CEP290: variants seen among roughly 807,000 people sequenced by gnomAD.
CEP290 encodes the protein centrosomal protein 290.
Under a neutral mutation model 344.9 loss-of-function variants are expected in CEP290, and 317 were observed. The observed-to-expected ratio is 0.92, with a 90% CI of 0.84 to 1.01. The LOEUF (loss-of-function observed/expected upper bound fraction) is 1.01. CEP290 is among the 50% of genes least tolerant of loss of function. The probability of loss-of-function intolerance (pLI) is 0.00; values close to 1 mark genes in which losing one functional copy is unlikely to be tolerated. For missense variants in CEP290, 2,754 were observed against 2,761.4 expected (o/e 1.00, Z 0.06); for synonymous variants, 932 against 895.8 (o/e 1.04, Z -0.72).
chr12:88,120,000 G>A (rs2039303984), intron 15 of CEP290, 114 bp downstream of exon 15: 1 of 543,398 alleles, frequency 1.8e-6, no homozygotes, highest in Non-Finnish European at 2.9e-6. Flanking sequence ...TTTTATAAAA[G>A]CATTTGAAAA....
chr12:88,050,278 TAGTTAAAGATGGTA>T, intron 53 of CEP290, 62 bp downstream of exon 53: 1 of 703,804 alleles, frequency 1.4e-6, no homozygotes, highest in Non-Finnish European at 2.4e-6. Context: ...TTAGGATACG[TAGTTAAAGATGGTA>T]ATGAAAATAG....
At position 88,115,528 on chromosome 12, in the gene CEP290, A is replaced by T. The variant is rs202125730; in HGVS notation, c.1825-346T>A. ...TCAAGCTCTATATCTGCATTTCTAC[A>T]CTCTGCTTCTTTGATCAAGAATTCC... On this transcript the variant is annotated intron_variant, in intron 18 of 53. Transcript: ENST00000552810. 1.1e-4 allele frequency: 139 copies of T among 1,293,726 alleles called. No individual in the cohort carries two copies. The highest frequency in any genetic ancestry group is 4.6e-5 in the Admixed American group (2 of 43,668). 80.1% of individuals were successfully genotyped at this position (1,293,726 alleles called of 1,614,324 possible).
chr12:88,075,082 A>G (rs557783046), intron 41 of CEP290, among the ~76,000 whole-genome samples: 14 of 152,240 alleles, frequency 9.2e-5, no homozygotes, highest in African/African-American at 2.9e-4. Context: ...TCGAAGTAAG[A>G]TATCTGTGGG....
intron 27 of CEP290, among the ~76,000 whole-genome samples, chr12:88,095,069 T>G (rs914035250): frequency 1.3e-5 from 2 of 152,126 alleles, no homozygotes; most frequent in East Asian, 3.8e-4. Context: ...CTAAAAGCAT[T>G]AGTAAATCAG....
At position 88,053,693 on chromosome 12, in the gene CEP290, T is replaced by G; in HGVS notation, c.7088A>C (p.Glu2363Ala). The change falls in exon 52 of 54, where the codon GAA (glutamate) becomes GCA (alanine). Residue 2363 changes from glutamate (E) to alanine (A), a missense_variant. Coordinates refer to ENST00000552810, the MANE Select transcript of CEP290 (RefSeq NM_025114.4). ...KEKAELIHQI[E>A]ANKDQSGAES... ...AGCTCCACTTTGGTCCTTGTTAGCT[T>G]CTATCTGATGGATTAATTCTGCTTT... The G allele has an allele frequency of 6.4e-7, 1 of 1,555,670 alleles. No homozygotes were observed. The highest frequency in any genetic ancestry group is 1.9e-5 in the Admixed American group (1 of 52,792).
chr12:88,054,213 A>C, intron 51 of CEP290, 127 bp downstream of exon 51: 1 of 632,304 alleles, frequency 1.6e-6, no homozygotes, highest in Non-Finnish European at 2.7e-6. Context: ...ATAAGGACCT[A>C]ATAAGCCTGT....
At chr12:88,124,833 G>C (rs1013323451) in intron 13 of CEP290, among the ~76,000 whole-genome samples, 1 of 152,030 alleles carries the variant, frequency 6.6e-6, no homozygotes, top group Non-Finnish European at 1.5e-5. Context: ...CTCAGGGTAA[G>C]GAGAATATGA....
intron 17 of CEP290, among the ~76,000 whole-genome samples, chr12:88,118,183 C>T (rs1452111143): frequency 6.6e-6 from 1 of 151,950 alleles, no homozygotes; most frequent in Non-Finnish European, 1.5e-5. Flanking sequence ...CATATTGGTG[C>T]TGTCTAGAAA....
intron 44 of CEP290, among the ~76,000 whole-genome samples, chr12:88,065,746 AT>A (rs1429523934): frequency 6.6e-6 from 1 of 152,162 alleles, no homozygotes; most frequent in African/African-American, 2.4e-5. Context: ...ACATGAGGAT[AT>A]TTTTAACACA....
chr12:88,084,855 G>A lies in CEP290; in HGVS notation c.4438-3C>T. The stretch of plus-strand genomic sequence containing the variant: ...GCAGATTCTTTCTCTTTTAGTTTCT[G>A]CAATGATTAAATTATAATAAATCAT... On this transcript the variant is annotated splice_polypyrimidine_tract_variant and splice_region_variant and intron_variant, in intron 34 of 53. Transcript: ENST00000552810. The A allele has an allele frequency of 6.6e-7, 1 of 1,513,312 alleles. No individual in the cohort carries two copies. The allele number at this position is 1,513,312 out of a possible 1,614,324, so 93.7% of individuals were successfully genotyped here.
At chr12:88,108,711 C>T (rs2038464000) in intron 23 of CEP290, among the ~76,000 whole-genome samples, 1 of 152,130 alleles carries the variant, frequency 6.6e-6, no homozygotes, top group African/African-American at 2.4e-5. Flanking sequence ...CGAGCATTTT[C>T]ATCTAATAAT....
intron 18 of CEP290, chr12:88,115,400 G>T: frequency 1.1e-6 from 1 of 938,170 alleles, no homozygotes; most frequent in African/African-American, 1.7e-5. Flanking sequence ...CAACATCCAT[G>T]GTAAGAGGCA....
At chr12:88,115,578 A>C in intron 18 of CEP290, 1 of 1,278,272 alleles carries the variant, frequency 7.8e-7, no homozygotes, top group South Asian at 1.2e-5. Context: ...ATTCTAAAGA[A>C]AAATTTAATA....
chr12:88,130,656 A>T (rs1325861721), intron 7 of CEP290, 91 bp from the exon 8 acceptor site: 57 of 1,257,958 alleles, frequency 4.5e-5, no homozygotes, highest in Non-Finnish European at 6.0e-5. Context: ...AAACAAAAAA[A>T]TTTTGGGAAA....
rs750553809 is a variant in CEP290 at position 88,086,459 on chromosome 12, C to T, written c.4234G>A (p.Val1412Ile). 1.2e-6 allele frequency: 2 copies of T among 1,600,280 alleles called. No individual in the cohort carries two copies. Among genetic ancestry groups the T allele is most frequent in the East Asian group, 4.5e-5 (2 of 44,618 alleles). The change falls in exon 33 of 54, where the codon GTT becomes ATT. Residue 1412 changes from valine (V) to isoleucine (I), a missense_variant. Physicochemically the swap from Val to Ile is conservative, Grantham distance 29 (BLOSUM62 3). Coordinates refer to ENST00000552810, the MANE Select transcript of CEP290 (RefSeq NM_025114.4). ...ERQMAWDQRE[V>I]DLERQLDIFD... ...ATGTCTAGTTGGCGTTCCAGGTCAA[C>T]TTCTCTTTGATCCCAGGCCATTTGT...
intron 20 of CEP290, among the ~76,000 whole-genome samples, chr12:88,113,408 T>C (rs910580466): frequency 6.6e-6 from 1 of 152,066 alleles, no homozygotes; most frequent in African/African-American, 2.4e-5. Flanking sequence ...GAGAAAGATA[T>C]AATGGGAATC....
At chr12:88,068,719 G>C in intron 43 of CEP290, 74 bp from the exon 44 acceptor site, 3 of 1,449,574 alleles carry the variant, frequency 2.1e-6, no homozygotes, top group Non-Finnish European at 2.8e-6. Flanking sequence ...AAAAATACAA[G>C]ATAAAAAAAG....
chr12:88,074,837 T>A (rs2035640110), intron 41 of CEP290, among the ~76,000 whole-genome samples: 1 of 152,206 alleles, frequency 6.6e-6, no homozygotes, highest in Non-Finnish European at 1.5e-5. Flanking sequence ...TGGAGGTTTC[T>A]AGAGGAAGGT....
In CEP290 at chr12:88,106,740, T is replaced by G. The variant is rs2038307941; in HGVS notation, c.2752A>C (p.Lys918Gln). The G allele has an allele frequency of 3.1e-6, 5 of 1,611,874 alleles. No homozygotes were observed. Among genetic ancestry groups the G allele is most frequent in the Non-Finnish European group, 4.2e-6 (5 of 1,178,942 alleles). The change falls in exon 25 of 54, where the codon AAG becomes CAG. Residue 918 changes from lysine (K) to glutamine (Q), a missense_variant. By Grantham distance (53) the Lys-to-Gln change is moderately conservative. Coordinates refer to ENST00000552810, the MANE Select transcript of CEP290 (RefSeq NM_025114.4). Reference sequence around the variant, plus strand: ...GCCTCCATTGACAACAATTCATTCTTTTGCTTCTCATTTTCTTTTCTAAGT... The same window carrying G: ...GCCTCCATTGACAACAATTCATTCTGTTGCTTCTCATTTTCTTTTCTAAGT... ...RQLRKENEKQ[K>Q]NELLSMEAEV...
Sources: allele counts gnomAD v4.1 joint callset (sites outside exome capture counted in the v4.1 genomes callset), GRCh38; gene constraint gnomAD v4.1.1; transcripts MANE v1.5; gene names NCBI Gene and HGNC (gene_info 2026-07-23, HGNC 2026-07-21).